LOXHD1: variants seen among roughly 807,000 people sequenced by gnomAD.
LOXHD1 encodes lipoxygenase homology PLAT domains 1.
A neutral mutation model predicts 248.2 loss-of-function variants in LOXHD1; 205 were observed. The observed-to-expected ratio is 0.83, with a 90% confidence interval of 0.74 to 0.93. The LOEUF (loss-of-function observed/expected upper bound fraction) is 0.93, where lower values mean the gene tolerates loss of function less well. Among genes scored for constraint, LOXHD1 ranks in the 40% least tolerant of loss-of-function variants. The pLI is 0.00. For synonymous variants in LOXHD1, 1,113 were observed against 1,162.8 expected (o/e 0.96, Z 0.87); for missense variants, 2,930 against 2,971.6 (o/e 0.99, Z 0.33).
At position 46,505,876 on chromosome 18, in the gene LOXHD1, C is replaced by T. The variant is rs2143885806; in HGVS notation, c.5840G>A (p.Gly1947Asp). The T allele has an allele frequency of 1.3e-6, 2 of 1,551,760 alleles. No homozygotes were observed. Among genetic ancestry groups the T allele is most frequent in the East Asian group, 2.4e-5 (1 of 40,914 alleles). ...TFNFPDMLSL[G>D]HLCKLRVWHD... ...CCAGACCCTCAGCTTGCAGAGGTGG[C>T]CCAAGCTCAGCATGTCAGGGAAGTT... The change falls in exon 37 of 41, where the codon GGC becomes GAC. Residue 1947 changes from glycine to aspartate, a missense_variant. Gly to Asp is a moderately conservative substitution (Grantham distance 94, BLOSUM62 -1). Coordinates refer to ENST00000642948, the MANE Select transcript of LOXHD1 (RefSeq NM_001384474.1).
rs200490958 is a variant in LOXHD1 at position 46,522,193 on chromosome 18, C to A, written c.4993G>T (p.Asp1665Tyr). Residue 1665 changes from aspartate (D) to tyrosine (Y), a missense_variant, in exon 32 of 41, where the codon GAC becomes TAC. Asp to Tyr is a radical substitution (Grantham distance 160). Transcript: ENST00000642948. ...AAGCCCCTCTTCCCTCGGGGGTAGT[C>A]CAACCAGATGCGCTTACTACGTTCA... ...DDERSKRIWL[D>Y]YPRGKRGFSR... is the part of the protein sequence containing the mutation. The A allele has an allele frequency of 6.4e-7, 1 of 1,551,748 alleles. No individual in the cohort carries two copies.
At chr18:46,577,596 G>C in intron 14 of LOXHD1, 111 bp downstream of exon 14, 1 of 1,272,556 alleles carries the variant, frequency 7.9e-7, no homozygotes, top group Non-Finnish European at 1.1e-6. Flanking sequence ...ACCAGCTATA[G>C]CCTTAAGCCA....
chr18:46,480,232 G>A (rs2032445018), intron 40 of LOXHD1, among the ~76,000 whole-genome samples: 1 of 151,662 alleles, frequency 6.6e-6, no homozygotes, highest in South Asian at 2.1e-4. Flanking sequence ...TCTTTGCTTG[G>A]CTCTCTTTCT....
At chr18:46,644,940 G>A (rs1007986217) in intron 2 of LOXHD1, among the ~76,000 whole-genome samples, 6 of 152,178 alleles carry the variant, frequency 3.9e-5, no homozygotes, top group African/African-American at 7.2e-5. Context: ...AGTGCTCCAC[G>A]CTGTCTCAGG....
At chr18:46,588,027 C>T (rs1230319453) in intron 12 of LOXHD1, among the ~76,000 whole-genome samples, 2 of 152,132 alleles carry the variant, frequency 1.3e-5, no homozygotes, top group Non-Finnish European at 2.9e-5. Context: ...ACTCATTTTA[C>T]GTGAGTCTAA....
chr18:46,528,349 A>T (rs2035914532), intron 29 of LOXHD1, among the ~76,000 whole-genome samples: 3 of 152,162 alleles, frequency 2.0e-5, no homozygotes, highest in South Asian at 2.1e-4. Context: ...GCATGACAGA[A>T]AGGGCACAGA....
At chr18:46,651,121 G>A (rs952084852) in intron 1 of LOXHD1, among the ~76,000 whole-genome samples, 6 of 152,184 alleles carry the variant, frequency 3.9e-5, no homozygotes, top group African/African-American at 7.2e-5. Flanking sequence ...ACATGCACAC[G>A]ATCCACAGAT....
chr18:46,559,255 C>G, intron 20 of LOXHD1, 193 bp downstream of exon 20: 1 of 1,520,860 alleles, frequency 6.6e-7, no homozygotes, highest in South Asian at 1.2e-5. Flanking sequence ...TGCTGGGGCC[C>G]TGCCTGCAAT....
chr18:46,534,742 C>T (rs2036232976), intron 26 of LOXHD1, among the ~76,000 whole-genome samples: 1 of 152,234 alleles, frequency 6.6e-6, no homozygotes, highest in African/African-American at 2.4e-5. Context: ...TCTGCCACTG[C>T]TCACTGTTGT....
intron 14 of LOXHD1, among the ~76,000 whole-genome samples, chr18:46,572,655 C>T (rs1164908054): frequency 6.6e-6 from 1 of 152,126 alleles, no homozygotes; most frequent in African/African-American, 2.4e-5. Context: ...ACAAGCACCT[C>T]TTTTTCTAAG....
At chr18:46,632,771 G>T (rs1336611295) in intron 4 of LOXHD1, among the ~76,000 whole-genome samples, 1 of 152,186 alleles carries the variant, frequency 6.6e-6, no homozygotes, top group Non-Finnish European at 1.5e-5. Context: ...GGCCCCAGAA[G>T]GTGCCAGGAC....
intron 4 of LOXHD1, among the ~76,000 whole-genome samples, chr18:46,619,198 A>G (rs1330755053): frequency 6.6e-6 from 1 of 152,148 alleles, no homozygotes; most frequent in Non-Finnish European, 1.5e-5. Context: ...CAGTGGCTTC[A>G]TATTTTTTAT....
intron 12 of LOXHD1, among the ~76,000 whole-genome samples, chr18:46,591,089 A>C (rs929837077): frequency 6.6e-6 from 1 of 152,252 alleles, no homozygotes; most frequent in African/African-American, 2.4e-5. Flanking sequence ...GTTTATAAAT[A>C]TCACACAATC....
chr18:46,547,414 T>C (rs1211233858), intron 21 of LOXHD1, among the ~76,000 whole-genome samples: 2 of 152,232 alleles, frequency 1.3e-5, no homozygotes, highest in African/African-American at 4.8e-5. Flanking sequence ...TAGCCAGGGC[T>C]ACTTTAGTAG....
Position 46,657,101 on chromosome 18 carries a change from G to C in LOXHD1, c.-68C>G. 1 of 1,549,938 alleles carries C rather than the reference G, an allele frequency of 6.5e-7. No individual in the cohort carries two copies. Among genetic ancestry groups the C allele is most frequent in the Non-Finnish European group, 8.7e-7 (1 of 1,146,328 alleles). Reference sequence around the variant, plus strand: ...CGCCTCCTCACACCTGCGGGAACCTGAGACCTCCTCCCTGAGCTCTGGCGC... The same window carrying C: ...CGCCTCCTCACACCTGCGGGAACCTCAGACCTCCTCCCTGAGCTCTGGCGC... On this transcript the variant is annotated 5_prime_UTR_variant, in exon 1 of 41. Coordinates refer to ENST00000642948, the MANE Select transcript of LOXHD1 (RefSeq NM_001384474.1).
intron 6 of LOXHD1, among the ~76,000 whole-genome samples, chr18:46,607,695 G>A (rs77130653): frequency 0.047 from 7,147 of 151,978 alleles, 242 homozygotes; most frequent in Non-Finnish European, 0.069. Flanking sequence ...ATTGACAGGA[G>A]AAAGAAGTGG....
chr18:46,618,899 G>T (rs1168775356), intron 4 of LOXHD1, among the ~76,000 whole-genome samples: 1 of 152,212 alleles, frequency 6.6e-6, no homozygotes, highest in East Asian at 1.9e-4. Context: ...TCAAAGACCT[G>T]TATCTGCTTC....
At chr18:46,652,017 A>T (rs1280819143) in intron 1 of LOXHD1, among the ~76,000 whole-genome samples, 1 of 152,236 alleles carries the variant, frequency 6.6e-6, no homozygotes, top group Non-Finnish European at 1.5e-5. Context: ...AGATAAACGA[A>T]CTGTGGTATA....
At chr18:46,615,783 A>T (rs566205536) in intron 5 of LOXHD1, among the ~76,000 whole-genome samples, 2 of 152,314 alleles carry the variant, frequency 1.3e-5, no homozygotes, top group South Asian at 4.1e-4. Context: ...TATTGAGAGT[A>T]TTGTATCAAA....
Sources: allele counts gnomAD v4.1 joint callset (sites outside exome capture counted in the v4.1 genomes callset), GRCh38; gene constraint gnomAD v4.1.1; transcripts MANE v1.5; gene names NCBI Gene and HGNC (gene_info 2026-07-23, HGNC 2026-07-21).